Variants in CUL2 observed in about 807,000 individuals in gnomAD.
The protein encoded by CUL2 is cullin-2.
In CUL2, 22 loss-of-function variants were observed where a neutral mutation model predicts 110.2. That is an observed-to-expected ratio of 0.20 (90% CI 0.14 to 0.28). The LOEUF (loss-of-function observed/expected upper bound fraction) is 0.28. CUL2 is among the 10% of genes least tolerant of loss of function. The pLI is 1.00. For synonymous variants in CUL2, 279 were observed against 293.2 expected, an observed-to-expected ratio of 0.95 and a Z score of 0.49; for missense variants, 631 against 905.5, an observed-to-expected ratio of 0.70 and a Z score of 3.89.
intron 18 of CUL2, among the ~76,000 whole-genome samples, chr10:35,015,323 C>T (rs1285921836): frequency 1.3e-5 from 2 of 151,382 alleles, no homozygotes; most frequent in South Asian, 2.1e-4. Flanking sequence ...CCATATTTTG[C>T]TAAGATTCTG....
intron 2 of CUL2, among the ~76,000 whole-genome samples, chr10:35,065,483 G>A (rs1217719819): frequency 6.6e-6 from 1 of 152,144 alleles, no homozygotes; most frequent in Admixed American, 6.5e-5. Flanking sequence ...AGCCGGCGTG[G>A]TGACAGGTGC....
intron 1 of CUL2, among the ~76,000 whole-genome samples, chr10:35,108,503 G>C (rs557627152): frequency 6.6e-6 from 1 of 151,900 alleles, no homozygotes; most frequent in African/African-American, 2.4e-5. Context: ...ATTTGGACTA[G>C]AATAGTTGTG....
intron 1 of CUL2, among the ~76,000 whole-genome samples, chr10:35,080,291 A>C (rs533080998): frequency 2.2e-4 from 34 of 152,188 alleles, no homozygotes; most frequent in Non-Finnish European, 4.0e-4. Flanking sequence ...TGAGCAAGCC[A>C]CTGGATGTAA....
intron 1 of CUL2, chr10:35,073,970 A>C: frequency 2.9e-6 from 2 of 693,766 alleles, no homozygotes; most frequent in Non-Finnish European, 5.3e-6. Context: ...GCTTAAGGTC[A>C]CAAAGCTATG....
intron 2 of CUL2, among the ~76,000 whole-genome samples, chr10:35,068,402 G>A (rs1372612756): frequency 9.2e-5 from 14 of 151,822 alleles, no homozygotes; most frequent in Non-Finnish European, 1.9e-4. Flanking sequence ...ACAAAAAAAA[G>A]AACTACAACG....
chr10:35,041,072 T>C (rs2085774720), intron 8 of CUL2, among the ~76,000 whole-genome samples: 1 of 152,188 alleles, frequency 6.6e-6, no homozygotes, highest in Non-Finnish European at 1.5e-5. Flanking sequence ...ACCCCTGGTC[T>C]AGAGGACAAA....
intron 1 of CUL2, among the ~76,000 whole-genome samples, chr10:35,088,499 CAAAAAAAAAAAAA>C (rs9299718): frequency 5.6e-5 from 5 of 88,574 alleles, no homozygotes; most frequent in African/African-American, 2.6e-4. Context: ...GACTCCGCCT[CAAAAAAAAAAAAA>C]AAAAAAAAAG....
intron 2 of CUL2, chr10:35,100,714 A>T (rs1336862920): frequency 6.7e-6 from 1 of 148,278 alleles, no homozygotes; most frequent in East Asian, 2.0e-4. Context: ...GTGAGTCAAG[A>T]TAGCACCACT....
intron 8 of CUL2, among the ~76,000 whole-genome samples, chr10:35,040,243 T>C (rs1429353765): frequency 6.6e-6 from 1 of 152,204 alleles, no homozygotes; most frequent in Admixed American, 6.5e-5. Flanking sequence ...TTTATTAAAG[T>C]TTATCCTACA....
intron 1 of CUL2, among the ~76,000 whole-genome samples, chr10:35,121,322 G>A (rs2087675998): frequency 6.6e-6 from 1 of 152,168 alleles, no homozygotes; most frequent in African/African-American, 2.4e-5. Flanking sequence ...CCGCCTCACA[G>A]GCTCAATTGA....
At chr10:35,040,238 T>A (rs1231250918) in intron 8 of CUL2, among the ~76,000 whole-genome samples, 1 of 152,194 alleles carries the variant, frequency 6.6e-6, no homozygotes, top group Non-Finnish European at 1.5e-5. Context: ...AGACTTTTAT[T>A]AAAGTTTATC....
intron 17 of CUL2, among the ~76,000 whole-genome samples, chr10:35,017,108 T>TC (rs759057552): frequency 1.3e-4 from 20 of 152,080 alleles, no homozygotes; most frequent in Non-Finnish European, 2.6e-4. Context: ...AGCTGGGCTC[T>TC]CCCAGGTAAG....
At chr10:35,126,872 T>C (rs1041304433), upstream of CUL2, 7 of 152,350 alleles carry the variant, frequency 4.6e-5, no homozygotes, top group Admixed American at 2.6e-4. Context: ...GCTTCACTCC[T>C]GCTGGCGGCC....
At chr10:35,082,847 T>C (rs1411182292) in intron 1 of CUL2, among the ~76,000 whole-genome samples, 1 of 152,198 alleles carries the variant, frequency 6.6e-6, no homozygotes, top group African/African-American at 2.4e-5. Flanking sequence ...TTGGTAACTA[T>C]ACACTTACAT....
At chr10:35,021,831 CG>C (rs2085201159) in intron 17 of CUL2, among the ~76,000 whole-genome samples, 1 of 66,330 alleles carries the variant, frequency 1.5e-5, no homozygotes, top group African/African-American at 5.6e-5. Flanking sequence ...TGAGGTGAGG[CG>C]AGGTGAGGTG....
intron 1 of CUL2, among the ~76,000 whole-genome samples, chr10:35,081,092 C>A (rs771067943): frequency 6.6e-6 from 1 of 152,056 alleles, no homozygotes; most frequent in Non-Finnish European, 1.5e-5. Context: ...TGGTAACATG[C>A]GCCCGCAGGG....
intron 9 of CUL2, among the ~76,000 whole-genome samples, chr10:35,038,029 T>C (rs925754837): frequency 2.0e-5 from 3 of 152,012 alleles, no homozygotes; most frequent in African/African-American, 4.8e-5. Flanking sequence ...GGCACACACC[T>C]GCAATCCCAG....
At chr10:35,082,587 T>G (rs2086970315) in intron 1 of CUL2, among the ~76,000 whole-genome samples, 1 of 152,196 alleles carries the variant, frequency 6.6e-6, no homozygotes, top group Admixed American at 6.6e-5. Context: ...TTTAAGTGCT[T>G]AAAAACTAGA....
intron 2 of CUL2, among the ~76,000 whole-genome samples, chr10:35,096,651 G>A (rs1471408998): frequency 6.6e-6 from 1 of 152,006 alleles, no homozygotes; most frequent in African/African-American, 2.4e-5. Flanking sequence ...GGTTAAGAAA[G>A]TAAGGAAGTA....
Sources: allele counts gnomAD v4.1 joint callset (sites outside exome capture counted in the v4.1 genomes callset), GRCh38; gene constraint gnomAD v4.1.1; transcripts MANE v1.5; gene names NCBI Gene and HGNC (gene_info 2026-07-23, HGNC 2026-07-21).